The following GLDC variants were observed in gnomAD, a reference collection of about 807,000 sequenced individuals.
The protein encoded by GLDC is glycine dehydrogenase (decarboxylating), mitochondrial.
A neutral mutation model predicts 121.3 loss-of-function variants in GLDC; 104 were observed. The observed-to-expected ratio is 0.86, with a 90% CI of 0.73 to 1.01. The LOEUF (loss-of-function observed/expected upper bound fraction) is 1.01, where lower values mean the gene tolerates loss of function less well. Ranked by LOEUF, GLDC falls within the 50% of genes least tolerant of loss-of-function variation. GLDC has a pLI of 0.00. For missense variants in GLDC, 1,429 were observed against 1,306.6 expected (o/e 1.09, Z -1.44); for synonymous variants, 546 against 480.6 (o/e 1.14, Z -1.78).
At chr9:6,563,381 G>A (rs552273522) in intron 16 of GLDC, among the ~76,000 whole-genome samples, 8 of 152,178 alleles carry the variant, frequency 5.3e-5, no homozygotes, top group African/African-American at 1.7e-4. Context: ...TGCTTTCTGC[G>A]GCCTCTCCGC....
intron 12 of GLDC, 143 bp from the exon 13 acceptor site, chr9:6,588,845 A>G: frequency 2.8e-6 from 2 of 712,054 alleles, no homozygotes; most frequent in Middle Eastern, 2.4e-4. Context: ...CTACACTCAG[A>G]GAGAAGGGCA....
At chr9:6,616,027 G>A (rs942121715) in intron 3 of GLDC, among the ~76,000 whole-genome samples, 2 of 152,254 alleles carry the variant, frequency 1.3e-5, no homozygotes, top group East Asian at 3.9e-4. Context: ...TCAAACTTCT[G>A]GACTCACATG....
At position 6,554,799 on chromosome 9, in the gene GLDC, G is replaced by A. The variant is rs370855096; in HGVS notation, c.2203-18C>T. On this transcript the variant is annotated intron_variant, in intron 18 of 24. Coordinates refer to ENST00000321612, the MANE Select transcript of GLDC (RefSeq NM_000170.3). ...ATTCCCACCTACCACAAAGGCAAGG[G>A]CCAAAAGCAAAAGTCAAGAGCTTGG... The A allele has an allele frequency of 6.9e-6, 11 of 1,590,680 alleles. No individual in the cohort carries two copies. The highest frequency in any genetic ancestry group is 9.5e-6 in the Non-Finnish European group (11 of 1,162,306).
chr9:6,619,957 C>T (rs1288684102), intron 3 of GLDC, among the ~76,000 whole-genome samples: 1 of 152,184 alleles, frequency 6.6e-6, no homozygotes, highest in Non-Finnish European at 1.5e-5. Flanking sequence ...ATTTAGCATC[C>T]TAGTAGATTT....
At chr9:6,599,077 A>G (rs7863777) in intron 8 of GLDC, among the ~76,000 whole-genome samples, 3,235 of 151,934 alleles carry the variant, frequency 0.021, 113 homozygotes, top group African/African-American at 0.073. Flanking sequence ...CCAGCTACTC[A>G]GGAGGCTGAG....
intron 4 of GLDC, among the ~76,000 whole-genome samples, chr9:6,607,710 C>G (rs369611707): frequency 1.3e-3 from 198 of 152,038 alleles, no homozygotes; most frequent in African/African-American, 4.6e-3. Flanking sequence ...GTAGCGCCAT[C>G]ACAGCTCACT....
chr9:6,533,256 C>T (rs1587907506), intron 24 of GLDC, 96 bp from the exon 25 acceptor site: 3 of 978,254 alleles, frequency 3.1e-6, no homozygotes, highest in Non-Finnish European at 5.0e-6. Flanking sequence ...ACCTAAGACA[C>T]CATCAGCCCA....
Position 6,606,579 on chromosome 9 carries a change from T to A in GLDC, c.713+13A>T, listed in dbSNP as rs769075894. 1.3e-6 allele frequency: 2 copies of A among 1,496,308 alleles called. No homozygotes were observed. The highest frequency in any genetic ancestry group is 4.5e-5 in the East Asian group (2 of 44,370). 92.7% of individuals were successfully genotyped at this position (1,496,308 alleles called of 1,614,324 possible). On this transcript the variant is annotated intron_variant, in intron 5 of 24. Transcript: ENST00000321612. Reference sequence around the variant, plus strand: ...CATTATACTGAGTTTAAAACACGAATCAAATTAATTACTTGGCTCGAGTCT... The same window carrying A: ...CATTATACTGAGTTTAAAACACGAAACAAATTAATTACTTGGCTCGAGTCT...
chr9:6,622,516 T>G (rs1819126832), intron 2 of GLDC, among the ~76,000 whole-genome samples: 1 of 152,132 alleles, frequency 6.6e-6, no homozygotes, highest in Non-Finnish European at 1.5e-5. Context: ...GGTGCCGGGA[T>G]TGCAGACAGA....
At chr9:6,573,156 T>C (rs1265096104) in intron 15 of GLDC, among the ~76,000 whole-genome samples, 1 of 152,142 alleles carries the variant, frequency 6.6e-6, no homozygotes, top group Non-Finnish European at 1.5e-5. Flanking sequence ...ACGCCTGTAA[T>C]CCCAGCTACT....
At position 6,611,426 on chromosome 9, in the gene GLDC, C is replaced by G. The variant is rs59411654; in HGVS notation, c.471-1070G>C. 9.6e-3 allele frequency among the ~76,000 whole-genome samples: 1,463 copies of G among 151,958 alleles called. 29 individuals are homozygous for G. Among genetic ancestry groups the G allele is most frequent in the African/African-American group, 0.029 (1,207 of 41,496 alleles). On this transcript the variant is annotated intron_variant, in intron 3 of 24. Transcript: ENST00000321612. ...AAACAATTAGCCAGGCGTGGTGGCACGTGCCTGTAGTCCCAGCTACTCAGG... is the reference window on the plus strand; with the variant it reads ...AAACAATTAGCCAGGCGTGGTGGCAGGTGCCTGTAGTCCCAGCTACTCAGG...
At chr9:6,568,674 C>T (rs1260463018) in intron 15 of GLDC, among the ~76,000 whole-genome samples, 1 of 151,758 alleles carries the variant, frequency 6.6e-6, no homozygotes, top group Non-Finnish European at 1.5e-5. Context: ...ATGGTGAAAC[C>T]CCATTTCTAC....
intron 7 of GLDC, 68 bp downstream of exon 7, chr9:6,604,520 A>G: frequency 1.4e-6 from 2 of 1,390,432 alleles, no homozygotes; most frequent in Non-Finnish European, 1.0e-6. Flanking sequence ...AGAAATCAAC[A>G]TTTGTGATCA....
At chr9:6,555,350 T>C (rs1366161388) in intron 18 of GLDC, among the ~76,000 whole-genome samples, 1 of 152,074 alleles carries the variant, frequency 6.6e-6, no homozygotes, top group African/African-American at 2.4e-5. Context: ...ACCACTTGGG[T>C]GTTAGGACTA....
intron 15 of GLDC, among the ~76,000 whole-genome samples, chr9:6,583,529 C>T (rs1385766562): frequency 2.0e-5 from 3 of 152,064 alleles, no homozygotes; most frequent in African/African-American, 2.4e-5. Context: ...TTTTAAAAAT[C>T]GCCAGGCATA....
At chr9:6,538,670 T>A (rs1050974473) in intron 22 of GLDC, among the ~76,000 whole-genome samples, 4 of 152,188 alleles carry the variant, frequency 2.6e-5, no homozygotes, top group African/African-American at 9.6e-5. Context: ...ACAACATGAT[T>A]CAGAAACACT....
chr9:6,535,888 A>C, intron 23 of GLDC, 176 bp downstream of exon 23: 1 of 654,456 alleles, frequency 1.5e-6, no homozygotes, highest in South Asian at 1.7e-5. Flanking sequence ...AGTAACTGCT[A>C]TGCTGTTCAA....
intron 8 of GLDC, among the ~76,000 whole-genome samples, chr9:6,599,680 C>T (rs970302063): frequency 8.1e-5 from 12 of 148,850 alleles, no homozygotes; most frequent in African/African-American, 2.5e-4. Context: ...GAGATTGGGC[C>T]GCTGCATGCC....
intron 22 of GLDC, 76 bp from the exon 23 acceptor site, chr9:6,536,312 C>T: frequency 1.7e-6 from 2 of 1,206,928 alleles, no homozygotes; most frequent in Non-Finnish European, 2.4e-6. Context: ...GTTCGTATCC[C>T]TTCTTATATT....
Sources: allele counts gnomAD v4.1 joint callset (sites outside exome capture counted in the v4.1 genomes callset), GRCh38; gene constraint gnomAD v4.1.1; transcripts MANE v1.5; gene names NCBI Gene and HGNC (gene_info 2026-07-23, HGNC 2026-07-21).